CD99L2: variants seen among roughly 807,000 people sequenced by gnomAD.
CD99L2 encodes the protein CD99 antigen-like protein 2.
Under a neutral mutation model 27.3 loss-of-function variants are expected in CD99L2, and 24 were observed. The ratio of observed to expected loss-of-function variants is 0.88; its 90% confidence interval spans 0.64 to 1.24. The LOEUF is 1.24. Ranked by LOEUF, CD99L2 falls within the 50% of genes most tolerant of loss-of-function variation. CD99L2 has a pLI of 0.00. For missense variants in CD99L2, 255 were observed against 221.6 expected (o/e 1.15, Z -0.96); for synonymous variants, 97 against 87.9 (o/e 1.10, Z -0.58).
chrX:150,850,505 C>T (rs1248794819), intron 1 of CD99L2, among the ~76,000 whole-genome samples: 1 of 112,187 alleles, frequency 8.9e-6, no homozygotes, highest in Non-Finnish European at 1.9e-5. Context: ...AAATATTACA[C>T]CAGAGGGCTA....
chrX:150,892,736 C>G (rs1238315970), intron 1 of CD99L2, among the ~76,000 whole-genome samples: 1 of 110,755 alleles, frequency 9.0e-6, no homozygotes, highest in Non-Finnish European at 1.9e-5. Context: ...CAAAATGGGC[C>G]TAATCAGCAT....
chrX:150,846,184 T>G (rs1557421463), intron 1 of CD99L2, among the ~76,000 whole-genome samples: 1 of 111,916 alleles, frequency 8.9e-6, no homozygotes, highest in East Asian at 2.8e-4. Context: ...AGTGCGAGAC[T>G]CTATCTCAAA....
chrX:150,824,592 AAGAAGAAGGAGGAGAAGAAGAAGG>A (rs1346818338), intron 2 of CD99L2, among the ~76,000 whole-genome samples: 2 of 99,252 alleles, frequency 2.0e-5, no homozygotes, highest in African/African-American at 3.8e-5. Flanking sequence ...GAAGGAGGAG[AAGAAGAAGGAGGAGAAGAAGAAGG>A]AGAAGAAGGA....
intron 4 of CD99L2, among the ~76,000 whole-genome samples, chrX:150,812,174 A>C (rs781973628): frequency 1.8e-5 from 2 of 111,659 alleles, no homozygotes; most frequent in East Asian, 5.6e-4. Flanking sequence ...CACACACAAA[A>C]AAAAGTATGA....
At chrX:150,781,653 C>T (rs1231407704) in intron 7 of CD99L2, among the ~76,000 whole-genome samples, 1 of 112,050 alleles carries the variant, frequency 8.9e-6, no homozygotes, top group Non-Finnish European at 1.9e-5. Context: ...GATACCTATG[C>T]ATATAAGTAG....
chrX:150,778,350 G>A (rs879948926), intron 7 of CD99L2, among the ~76,000 whole-genome samples: 1 of 109,294 alleles, frequency 9.1e-6, no homozygotes, highest in Non-Finnish European at 1.9e-5. Context: ...GGGTTCTCAG[G>A]GGAAACCGCC....
chrX:150,785,659 C>T (rs1345005581), intron 7 of CD99L2, among the ~76,000 whole-genome samples: 2 of 111,553 alleles, frequency 1.8e-5, no homozygotes, highest in African/African-American at 6.5e-5. Context: ...ATTCACACAC[C>T]TAACCCCCGC....
intron 2 of CD99L2, among the ~76,000 whole-genome samples, chrX:150,824,660 GAA>G (rs1557420865): frequency 5.5e-5 from 5 of 90,323 alleles, no homozygotes; most frequent in African/African-American, 1.7e-4. Context: ...AGAAGAAGAA[GAA>G]GAAGAGGAAG....
chrX:150,854,687 G>T (rs981770259), intron 1 of CD99L2, among the ~76,000 whole-genome samples: 1 of 111,168 alleles, frequency 9.0e-6, no homozygotes, highest in Non-Finnish European at 1.9e-5. Context: ...AGAGAAGATG[G>T]ATACTGATAA....
intron 4 of CD99L2, among the ~76,000 whole-genome samples, chrX:150,800,958 G>C (rs9698679): frequency 7.8e-4 from 85 of 109,375 alleles, no homozygotes; most frequent in African/African-American, 2.7e-3. Flanking sequence ...TTGAACCTGG[G>C]AGGCGGAGGT....
intron 7 of CD99L2, among the ~76,000 whole-genome samples, chrX:150,793,148 C>T (rs182516607): frequency 8.9e-6 from 1 of 112,515 alleles, no homozygotes; most frequent in East Asian, 2.8e-4. Flanking sequence ...ATGTTGACTT[C>T]CTGGTTTTGA....
At chrX:150,825,262 A>G (rs2046351974) in intron 2 of CD99L2, among the ~76,000 whole-genome samples, 1 of 112,541 alleles carries the variant, frequency 8.9e-6, no homozygotes, top group Non-Finnish European at 1.9e-5. Flanking sequence ...TAAAATTTGC[A>G]TGACTCAAAC....
At chrX:150,792,356 C>G (rs1489706513) in intron 7 of CD99L2, among the ~76,000 whole-genome samples, 1 of 112,173 alleles carries the variant, frequency 8.9e-6, no homozygotes, top group Admixed American at 9.4e-5. Context: ...ATTTCACCAT[C>G]TGGAAATACC....
At chrX:150,793,790 G>GAA in intron 6 of CD99L2, 34 bp from the exon 7 acceptor site, 1 of 1,085,386 alleles carries the variant, frequency 9.2e-7, no homozygotes, top group Admixed American at 2.8e-5. Context: ...TCAACAACAA[G>GAA]AAAAAAAAAT....
chrX:150,824,052 A>AGAG (rs782107988), intron 2 of CD99L2, among the ~76,000 whole-genome samples: 18 of 95,182 alleles, frequency 1.9e-4, no homozygotes, highest in African/African-American at 7.4e-4. Context: ...AGGAAGAAGA[A>AGAG]GAGGAGGAGG....
intron 1 of CD99L2, among the ~76,000 whole-genome samples, chrX:150,880,916 T>C (rs150784712): frequency 0.025 from 2,813 of 111,615 alleles, 98 homozygotes; most frequent in African/African-American, 0.088. Context: ...CTGAATTTCC[T>C]GTCTCCTAGG....
intron 9 of CD99L2, among the ~76,000 whole-genome samples, chrX:150,774,763 A>G (rs1603284952): frequency 8.9e-6 from 1 of 112,087 alleles, no homozygotes; most frequent in Admixed American, 9.4e-5. Flanking sequence ...CTCCTTCTAA[A>G]TATCAGTGTC....
chrX:150,852,337 C>A (rs1349169948), intron 1 of CD99L2, among the ~76,000 whole-genome samples: 3 of 110,266 alleles, frequency 2.7e-5, no homozygotes, highest in African/African-American at 9.9e-5. Flanking sequence ...CCCATCACAC[C>A]CTGGACCTCT....
At position 150,768,994 on chromosome X, in the gene CD99L2, C is replaced by T. The variant is rs782760201; in HGVS notation, c.*40G>A. ...GGGGTGGGGGGAGCCGGGTGACAAG[C>T]GGTGGCACCATTGTGCATGCCTGCA... On this transcript the variant is annotated 3_prime_UTR_variant, in exon 11 of 11. Coordinates refer to ENST00000370377, the MANE Select transcript of CD99L2 (RefSeq NM_031462.4). 37 of 1,121,919 alleles carry T rather than the reference C, an allele frequency of 3.3e-5. No homozygotes were observed. The highest frequency in any genetic ancestry group is 4.1e-5 in the Non-Finnish European group (35 of 862,040). 92.5% of individuals were successfully genotyped at this position (1,121,919 alleles called of 1,213,427 possible).
Sources: allele counts gnomAD v4.1 joint callset (sites outside exome capture counted in the v4.1 genomes callset), GRCh38; gene constraint gnomAD v4.1.1; transcripts MANE v1.5; gene names NCBI Gene and HGNC (gene_info 2026-07-23, HGNC 2026-07-21).